ARHGAP6: variants seen among roughly 807,000 people sequenced by gnomAD.
ARHGAP6 encodes the protein Rho GTPase activating protein 6.
A neutral mutation model predicts 55.7 loss-of-function variants in ARHGAP6; 16 were observed. The observed-to-expected ratio is 0.29, with a 90% CI of 0.19 to 0.44. The LOEUF (loss-of-function observed/expected upper bound fraction) is 0.44, where lower values mean the gene tolerates loss of function less well. Ranked by LOEUF, ARHGAP6 falls within the 20% of genes least tolerant of loss-of-function variation. The pLI is 1.00. For synonymous variants in ARHGAP6, 382 were observed against 360.9 expected, an observed-to-expected ratio of 1.06 and a Z score of -0.66; for missense variants, 698 against 808.9, an observed-to-expected ratio of 0.86 and a Z score of 1.66.
intron 1 of ARHGAP6, among the ~76,000 whole-genome samples, chrX:11,512,247 T>G (rs1030841466): frequency 3.6e-5 from 4 of 111,988 alleles, no homozygotes; most frequent in Admixed American, 1.9e-4. Flanking sequence ...GGGTAAACCT[T>G]AGGCCTTTCA....
At position 11,219,054 on chromosome X, in the gene ARHGAP6, C is replaced by A. The variant is rs1299022372; in HGVS notation, c.749-22058G>T. Among the ~76,000 whole-genome samples, 4 of 72,369 alleles carry A rather than the reference C, an allele frequency of 5.5e-5. No individual in the cohort carries two copies. The East Asian group carries it at 1.9e-3, about 34-fold the overall frequency. 62.8% of individuals were successfully genotyped at this position (72,369 alleles called of 115,157 possible). On this transcript the variant is annotated intron_variant, in intron 2 of 12. Transcript: ENST00000337414. ...CCTCCCCCCTCCCCCCACCCCACAACAGTCCCCAGAGTGTGATATTCCCCT... is the reference window on the plus strand; with the variant it reads ...CCTCCCCCCTCCCCCCACCCCACAAAAGTCCCCAGAGTGTGATATTCCCCT...
Position 11,558,836 on chromosome X carries a change from CAAAAAAAAAAAAAAAAAA to C in ARHGAP6, c.588+105387_588+105404del, listed in dbSNP as rs58936931. 4.5e-3 allele frequency among the ~76,000 whole-genome samples: 134 copies of C among 30,081 alleles called. 4 individuals carry two copies. The East Asian group carries it at 0.22, about 50-fold the overall frequency. 26.1% of individuals were successfully genotyped at this position (30,081 alleles called of 115,157 possible). A position where few individuals can be genotyped will look rare whatever the true frequency, so the allele number is the denominator to read the frequency against. On this transcript the variant is annotated intron_variant, in intron 1 of 12. Coordinates refer to ENST00000337414, the MANE Select transcript of ARHGAP6 (RefSeq NM_013427.3). ...GGGCGACAAGAGCAAGATTCCATCT[CAAAAAAAAAAAAAAAAAA>C]AAAAAAAAAAAAAAAAGGACAAATT... is the stretch of plus-strand genomic sequence containing the variant.
At chrX:11,594,317 G>C (rs1315057951) in intron 1 of ARHGAP6, among the ~76,000 whole-genome samples, 8 of 112,168 alleles carry the variant, frequency 7.1e-5, no homozygotes, top group Non-Finnish European at 1.3e-4. Context: ...GTTCAGCAGA[G>C]AAGTCACAGC....
At chrX:11,447,446 C>A (rs1318769902) in intron 1 of ARHGAP6, among the ~76,000 whole-genome samples, 1 of 112,171 alleles carries the variant, frequency 8.9e-6, no homozygotes, top group Non-Finnish European at 1.9e-5. Flanking sequence ...GCTCTCAGAC[C>A]AAATCCAGCC....
At position 11,308,584 on chromosome X, in the gene ARHGAP6, C is replaced by T. The variant is rs5935002; in HGVS notation, c.589-53877G>A. Among the ~76,000 whole-genome samples the T allele has an allele frequency of 7.8e-3, 873 of 111,350 alleles. 1 individual carries two copies. The highest frequency in any genetic ancestry group is 0.012 in the Non-Finnish European group (643 of 53,033). ...GGAAAAGGGCAACCTATGCCCTTGT[C>T]CCCAGTCGTCAGTCATTATATAGTA... is the stretch of plus-strand genomic sequence containing the variant. On this transcript the variant is annotated intron_variant, in intron 1 of 12. Transcript: ENST00000337414.
intron 10 of ARHGAP6, among the ~76,000 whole-genome samples, chrX:11,146,693 T>G (rs2045696596): frequency 8.9e-6 from 1 of 112,210 alleles, no homozygotes; most frequent in Non-Finnish European, 1.9e-5. Flanking sequence ...GAGTCTGGGA[T>G]TGAGTGAAAG....
At chrX:11,241,628 C>CCAAACT (rs2047284080) in intron 2 of ARHGAP6, among the ~76,000 whole-genome samples, 1 of 107,139 alleles carries the variant, frequency 9.3e-6, no homozygotes, top group African/African-American at 3.4e-5. Context: ...GGTTATTTAA[C>CCAAACT]CAAACTCATG....
At chrX:11,573,213 G>T (rs1290267941) in intron 1 of ARHGAP6, among the ~76,000 whole-genome samples, 7 of 109,519 alleles carry the variant, frequency 6.4e-5, no homozygotes, top group Admixed American at 9.7e-5. Context: ...GTCAATTTTG[G>T]CTTTTGTTGC....
intron 2 of ARHGAP6, among the ~76,000 whole-genome samples, chrX:11,230,610 AGTGTGTGTGTGT>A (rs3030687): frequency 2.0e-4 from 20 of 98,169 alleles, no homozygotes; most frequent in African/African-American, 7.5e-4. Context: ...AGTTATTAGG[AGTGTGTGTGTGT>A]GTGTGTGTGT....
intron 1 of ARHGAP6, chrX:11,351,317 G>A: frequency 1.2e-5 from 11 of 929,661 alleles, no homozygotes; most frequent in Non-Finnish European, 1.5e-5. Flanking sequence ...TGGATCAAGA[G>A]CTACTATATT....
chrX:11,517,442 A>C (rs1268306826), intron 1 of ARHGAP6, among the ~76,000 whole-genome samples: 3 of 111,199 alleles, frequency 2.7e-5, no homozygotes, highest in Middle Eastern at 4.2e-3. Flanking sequence ...TGGCATTACT[A>C]ATTTCTGCTT....
chrX:11,632,337 T>C (rs1237931701), intron 1 of ARHGAP6, among the ~76,000 whole-genome samples: 2 of 112,346 alleles, frequency 1.8e-5, no homozygotes, highest in Non-Finnish European at 3.8e-5. Context: ...TGGAAAGGTA[T>C]TAAATATACT....
chrX:11,318,936 GACTTGATGGAACAAAC>G (rs2048393409), intron 1 of ARHGAP6, among the ~76,000 whole-genome samples: 1 of 112,028 alleles, frequency 8.9e-6, no homozygotes, highest in African/African-American at 3.2e-5. Flanking sequence ...CCAGGTGGCA[GACTTGATGGAACAAAC>G]ACTTTAAGTG....
intron 1 of ARHGAP6, among the ~76,000 whole-genome samples, chrX:11,260,242 C>T (rs2047540863): frequency 9.0e-6 from 1 of 111,356 alleles, no homozygotes; most frequent in African/African-American, 3.3e-5. Flanking sequence ...CCAGTGAGGC[C>T]CACATGAGAC....
intron 1 of ARHGAP6, among the ~76,000 whole-genome samples, chrX:11,612,833 C>A (rs1300724980): frequency 1.8e-5 from 2 of 112,339 alleles, no homozygotes; most frequent in Non-Finnish European, 3.8e-5. Flanking sequence ...CAGTAAGTGG[C>A]ATTATGATCC....
chrX:11,487,939 G>T (rs1184942061), intron 1 of ARHGAP6, among the ~76,000 whole-genome samples: 2 of 112,369 alleles, frequency 1.8e-5, no homozygotes, highest in Admixed American at 9.4e-5. Flanking sequence ...GTGAAAGTTT[G>T]ATGACGAATG....
intron 11 of ARHGAP6, chrX:11,143,775 C>T: frequency 8.8e-7 from 1 of 1,141,371 alleles, no homozygotes; most frequent in South Asian, 2.2e-5. Context: ...CTGCAGGGAC[C>T]CTCCCAGCCA....
At chrX:11,598,955 G>A (rs1056052884) in intron 1 of ARHGAP6, among the ~76,000 whole-genome samples, 2 of 111,025 alleles carry the variant, frequency 1.8e-5, no homozygotes, top group Non-Finnish European at 3.8e-5. Context: ...ATACTTGGGA[G>A]GCTTAGATGG....
intron 1 of ARHGAP6, among the ~76,000 whole-genome samples, chrX:11,432,679 T>C (rs2147790071): frequency 8.9e-6 from 1 of 111,975 alleles, no homozygotes; most frequent in East Asian, 2.8e-4. Flanking sequence ...GAAATCAAAC[T>C]CCAGGATCAG....
Sources: allele counts gnomAD v4.1 joint callset (sites outside exome capture counted in the v4.1 genomes callset), GRCh38; gene constraint gnomAD v4.1.1; transcripts MANE v1.5; gene names NCBI Gene and HGNC (gene_info 2026-07-23, HGNC 2026-07-21).